The following RPS6KC1 variants were observed in gnomAD, a reference collection of about 807,000 sequenced individuals.
RPS6KC1 encodes the protein inactive ribosomal protein S6 kinase delta-1.
Under a neutral mutation model 103.8 loss-of-function variants are expected in RPS6KC1, and 54 were observed. That is an observed-to-expected ratio of 0.52 (90% confidence interval 0.42 to 0.65). The LOEUF is 0.65. Among genes scored for constraint, RPS6KC1 ranks in the 30% least tolerant of loss-of-function variants. RPS6KC1 has a pLI of 0.00. For synonymous variants in RPS6KC1, 439 were observed against 438.7 expected (o/e 1.00, Z -0.01); for missense variants, 1,151 against 1,253.8 (o/e 0.92, Z 1.24).
At chr1:213,283,945 C>T in the RPS6KC1 span, among the ~76,000 whole-genome samples, 1 of 151,264 alleles carries the variant, frequency 6.6e-6, no homozygotes, top group Non-Finnish European at 1.5e-5. Flanking sequence ...TAAAAATGCA[C>T]AACAGAAAAG....
chr1:213,826,940 C>T, the RPS6KC1 span, among the ~76,000 whole-genome samples: 3 of 152,194 alleles, frequency 2.0e-5, no homozygotes, highest in Non-Finnish European at 4.4e-5. Flanking sequence ...TCTGCTGCTT[C>T]TAGTAGTCAT....
At chr1:213,495,591 G>A in the RPS6KC1 span, among the ~76,000 whole-genome samples, 1 of 152,302 alleles carries the variant, frequency 6.6e-6, no homozygotes, top group Middle Eastern at 3.4e-3. Context: ...AAAGTGCTGG[G>A]ATTACAGGCG....
intron 14 of RPS6KC1, among the ~76,000 whole-genome samples, chr1:213,271,842 T>C (rs576212375): frequency 1.3e-5 from 2 of 151,654 alleles, no homozygotes; most frequent in South Asian, 4.2e-4. Flanking sequence ...CTAAAAGTCA[T>C]CAAATTGTAC....
At chr1:213,582,814 G>T in the RPS6KC1 span, among the ~76,000 whole-genome samples, 2 of 152,098 alleles carry the variant, frequency 1.3e-5, no homozygotes, top group African/African-American at 4.8e-5. Flanking sequence ...TGCACTGTTT[G>T]ATGGGTTTTG....
intron 1 of RPS6KC1, among the ~76,000 whole-genome samples, chr1:213,059,093 G>T (rs1212158979): frequency 6.6e-6 from 1 of 152,066 alleles, no homozygotes. Context: ...TTTTTGTGTT[G>T]TCTTTATATC....
At chr1:213,234,478 G>A (rs1488177715) in intron 10 of RPS6KC1, among the ~76,000 whole-genome samples, 1 of 152,178 alleles carries the variant, frequency 6.6e-6, no homozygotes, top group East Asian at 1.9e-4. Context: ...TGAGAAGGTG[G>A]CATTTAAGAG....
chr1:213,741,141 A>ATAT, the RPS6KC1 span, among the ~76,000 whole-genome samples: 680 of 150,814 alleles, frequency 4.5e-3, 6 homozygotes, highest in Non-Finnish European at 6.4e-3. Flanking sequence ...TAATAACTGT[A>ATAT]TATTATTTAT....
At chr1:213,725,068 G>A in the RPS6KC1 span, among the ~76,000 whole-genome samples, 316 of 152,258 alleles carry the variant, frequency 2.1e-3, 9 homozygotes, top group Admixed American at 0.019. Flanking sequence ...ACACTTTTTT[G>A]TCTTTTACTA....
intron 1 of RPS6KC1, among the ~76,000 whole-genome samples, chr1:213,054,027 G>A (rs1465006493): frequency 6.6e-6 from 1 of 152,020 alleles, no homozygotes; most frequent in Admixed American, 6.6e-5. Flanking sequence ...GTAGAGACGA[G>A]GTTTCGCCTT....
At chr1:213,550,508 G>A in the RPS6KC1 span, among the ~76,000 whole-genome samples, 1 of 151,854 alleles carries the variant, frequency 6.6e-6, no homozygotes, top group Non-Finnish European at 1.5e-5. Flanking sequence ...AGCTTGCCTC[G>A]CCACTCTGTA....
chr1:213,116,100 G>C (rs2083571122), intron 4 of RPS6KC1, among the ~76,000 whole-genome samples: 1 of 151,378 alleles, frequency 6.6e-6, no homozygotes. Flanking sequence ...TCAATTCCTG[G>C]GTATCCTTGT....
At chr1:213,227,227 G>C (rs1453138451) in intron 8 of RPS6KC1, among the ~76,000 whole-genome samples, 4 of 152,200 alleles carry the variant, frequency 2.6e-5, no homozygotes, top group African/African-American at 9.7e-5. Flanking sequence ...TCTTTATGGA[G>C]AATGCTCAAA....
intron 13 of RPS6KC1, 69 bp from the exon 14 acceptor site, chr1:213,262,652 A>G (rs191639042): frequency 1.7e-5 from 18 of 1,036,126 alleles, no homozygotes; most frequent in East Asian, 1.2e-4. Context: ...CTTGCTGTCC[A>G]TAAATCCTAT....
the RPS6KC1 span, among the ~76,000 whole-genome samples, chr1:213,744,992 G>C: frequency 6.6e-6 from 1 of 152,214 alleles, no homozygotes; most frequent in Non-Finnish European, 1.5e-5. Flanking sequence ...ACATCAGGAG[G>C]CTGGGCAGCC....
At chr1:213,366,035 A>G in the RPS6KC1 span, among the ~76,000 whole-genome samples, 3 of 152,186 alleles carry the variant, frequency 2.0e-5, no homozygotes, top group South Asian at 6.2e-4. Flanking sequence ...TTAAAGTGGG[A>G]GCAATACCTG....
At chr1:213,243,848 G>C (rs963751310) in intron 12 of RPS6KC1, among the ~76,000 whole-genome samples, 2 of 152,104 alleles carry the variant, frequency 1.3e-5, no homozygotes, top group Non-Finnish European at 2.9e-5. Flanking sequence ...TGCTAACCTT[G>C]TTTCTCTGCA....
chr1:213,736,254 C>T, the RPS6KC1 span, among the ~76,000 whole-genome samples: 1 of 152,196 alleles, frequency 6.6e-6, no homozygotes, highest in South Asian at 2.1e-4. Context: ...GTCCTCTAGT[C>T]AGGGTCCCAC....
chr1:213,597,913 T>C, the RPS6KC1 span, among the ~76,000 whole-genome samples: 1 of 152,202 alleles, frequency 6.6e-6, no homozygotes, highest in Non-Finnish European at 1.5e-5. Flanking sequence ...AAAGAGGCAC[T>C]TGCCTGACTC....
the RPS6KC1 span, among the ~76,000 whole-genome samples, chr1:213,411,794 T>G: frequency 6.6e-6 from 1 of 151,448 alleles, no homozygotes; most frequent in Non-Finnish European, 1.5e-5. Flanking sequence ...AGAGGTGGAG[T>G]AGGTTGGGCA....
Sources: gnomAD v4.1 joint callset for allele counts (sites outside exome capture counted in the v4.1 genomes callset) on GRCh38, gnomAD v4.1.1 for gene constraint, MANE v1.5 for transcripts, NCBI Gene and HGNC (gene_info 2026-07-23, HGNC 2026-07-21) for gene names.